The following ESRRG variants were observed in gnomAD, a reference collection of about 807,000 sequenced individuals.
ESRRG encodes the protein estrogen related receptor gamma.
In ESRRG, 13 loss-of-function variants were observed where a neutral mutation model predicts 44.0. The observed-to-expected ratio is 0.30, with a 90% confidence interval of 0.19 to 0.47. The LOEUF (loss-of-function observed/expected upper bound fraction) is 0.47. ESRRG is among the 20% of genes least tolerant of loss of function. ESRRG has a pLI of 1.00. For synonymous variants in ESRRG, 215 were observed against 214.6 expected (o/e 1.00, Z -0.02); for missense variants, 395 against 580.6 (o/e 0.68, Z 3.29).
chr1:216,770,346 G>A (rs1191545105), intron 2 of ESRRG, among the ~76,000 whole-genome samples: 2 of 151,992 alleles, frequency 1.3e-5, no homozygotes, highest in Admixed American at 6.6e-5. Flanking sequence ...AGACCAGAGA[G>A]CTAGTTCCAT....
chr1:216,730,185 AGAGATCT>A (rs1306419218), intron 2 of ESRRG, among the ~76,000 whole-genome samples: 2 of 152,084 alleles, frequency 1.3e-5, no homozygotes, highest in Admixed American at 6.6e-5. Context: ...GAACTCCGAC[AGAGATCT>A]GACCTCTCTG....
chr1:216,535,594 C>A (rs1260818838), intron 5 of ESRRG, among the ~76,000 whole-genome samples: 1 of 152,092 alleles, frequency 6.6e-6, no homozygotes, highest in Non-Finnish European at 1.5e-5. Flanking sequence ...ACTGCTCTTT[C>A]TTCCTAAGGA....
intron 3 of ESRRG, among the ~76,000 whole-genome samples, chr1:216,584,736 AT>A (rs2063449510): frequency 6.6e-6 from 1 of 152,244 alleles, no homozygotes; most frequent in Non-Finnish European, 1.5e-5. Context: ...CTTGCTACTT[AT>A]AAAATCAAGG....
At chr1:216,894,161 A>G (rs1327273032) in intron 2 of ESRRG, among the ~76,000 whole-genome samples, 5 of 152,068 alleles carry the variant, frequency 3.3e-5, no homozygotes, top group African/African-American at 9.7e-5. Flanking sequence ...CCCCGATTAT[A>G]ACCTATGTTC....
intron 3 of ESRRG, among the ~76,000 whole-genome samples, chr1:216,587,478 C>A (rs573054795): frequency 6.6e-6 from 1 of 151,960 alleles, no homozygotes; most frequent in Non-Finnish European, 1.5e-5. Flanking sequence ...CTTATGAGGA[C>A]AAATTTATGG....
At chr1:217,050,990 G>A (rs1355515930) in intron 1 of ESRRG, among the ~76,000 whole-genome samples, 1 of 152,074 alleles carries the variant, frequency 6.6e-6, no homozygotes, top group Non-Finnish European at 1.5e-5. Context: ...GAACAGAACA[G>A]ACTCCAAGGT....
At chr1:217,022,110 AT>A in intron 1 of ESRRG, among the ~76,000 whole-genome samples, 1 of 152,346 alleles carries the variant, frequency 6.6e-6, no homozygotes, top group Middle Eastern at 3.4e-3. Context: ...CTGAGAGTTT[AT>A]TGGTTAAGGA....
intron 3 of ESRRG, among the ~76,000 whole-genome samples, chr1:216,622,173 G>A (rs2062359168): frequency 6.6e-6 from 1 of 152,150 alleles, no homozygotes; most frequent in African/African-American, 2.4e-5. Flanking sequence ...ACTATATCAG[G>A]AAAACACCAT....
chr1:217,001,820 T>C (rs1401802394), intron 1 of ESRRG, among the ~76,000 whole-genome samples: 1 of 152,134 alleles, frequency 6.6e-6, no homozygotes, highest in East Asian at 1.9e-4. Context: ...CATACCAGCA[T>C]TTTGAACAGA....
intron 2 of ESRRG, among the ~76,000 whole-genome samples, chr1:216,744,464 GAATA>G (rs2091143641): frequency 7.8e-6 from 1 of 127,740 alleles, no homozygotes; most frequent in Admixed American, 9.0e-5. Context: ...CCACACACTT[GAATA>G]TGTGCACACA....
intron 2 of ESRRG, among the ~76,000 whole-genome samples, chr1:216,813,621 G>A (rs1576833207): frequency 6.6e-6 from 1 of 152,312 alleles, no homozygotes; most frequent in East Asian, 1.9e-4. Flanking sequence ...ATGTTTGGAA[G>A]TCATTTAAGT....
At position 216,506,606 on chromosome 1, in the gene ESRRG, A is replaced by C. The variant is rs2148701088; in HGVS notation, c.*333T>G. On this transcript the variant is annotated 3_prime_UTR_variant, in exon 7 of 7. Coordinates refer to ENST00000408911, the MANE Select transcript of ESRRG (RefSeq NM_001438.4). ...TGAGAGTAGGTAAAGAAAAGAAAGAAGGCAGGCAGACGGGAAGAAAATAAA... is the reference window on the plus strand; with the variant it reads ...TGAGAGTAGGTAAAGAAAAGAAAGACGGCAGGCAGACGGGAAGAAAATAAA... 1 of 481,712 alleles carries C rather than the reference A, an allele frequency of 2.1e-6. No individual in the cohort carries two copies. Among genetic ancestry groups the C allele is most frequent in the South Asian group, 1.6e-5 (1 of 64,358 alleles). 29.8% of individuals were successfully genotyped at this position (481,712 alleles called of 1,614,324 possible).
At chr1:216,596,463 A>G (rs556005424) in intron 3 of ESRRG, among the ~76,000 whole-genome samples, 2 of 152,326 alleles carry the variant, frequency 1.3e-5, no homozygotes, top group South Asian at 4.1e-4. Context: ...TAAGGAAGTT[A>G]AAGCGGAGCC....
chr1:217,003,514 C>T (rs768423245), intron 1 of ESRRG, among the ~76,000 whole-genome samples: 1 of 148,500 alleles, frequency 6.7e-6, no homozygotes, highest in Non-Finnish European at 1.5e-5. Flanking sequence ...GCTTTATTTG[C>T]TTGTCTCATG....
intron 3 of ESRRG, among the ~76,000 whole-genome samples, chr1:216,649,335 C>T (rs181112431): frequency 6.6e-6 from 1 of 152,106 alleles, no homozygotes; most frequent in Admixed American, 6.6e-5. Context: ...AAGGCTATAC[C>T]ATAAAAAGTA....
intron 1 of ESRRG, among the ~76,000 whole-genome samples, chr1:216,722,945 G>A (rs2086670888): frequency 6.6e-6 from 1 of 152,124 alleles, no homozygotes; most frequent in Non-Finnish European, 1.5e-5. Context: ...AGTTCACTAA[G>A]CATTTGTGCC....
At chr1:216,648,918 TG>T (rs1285611314) in intron 3 of ESRRG, among the ~76,000 whole-genome samples, 2 of 152,170 alleles carry the variant, frequency 1.3e-5, no homozygotes, top group African/African-American at 2.4e-5. Flanking sequence ...CAAAACTAAG[TG>T]GCAACATAAA....
chr1:216,936,108 C>G (rs2064108463), intron 2 of ESRRG, among the ~76,000 whole-genome samples: 1 of 152,054 alleles, frequency 6.6e-6, no homozygotes, highest in Non-Finnish European at 1.5e-5. Context: ...GAATGAAAGA[C>G]ACTCCTGTCA....
intron 1 of ESRRG, among the ~76,000 whole-genome samples, chr1:217,134,554 C>G (rs1490794743): frequency 1.3e-5 from 2 of 152,214 alleles, no homozygotes; most frequent in Non-Finnish European, 2.9e-5. Flanking sequence ...TCAGTCACAA[C>G]TTTCTCCACA....
Sources: gnomAD v4.1 joint callset for allele counts (sites outside exome capture counted in the v4.1 genomes callset) on GRCh38, gnomAD v4.1.1 for gene constraint, MANE v1.5 for transcripts, NCBI Gene and HGNC (gene_info 2026-07-23, HGNC 2026-07-21) for gene names.